GCNT1: variants seen among roughly 807,000 people sequenced by gnomAD.
The protein encoded by GCNT1 is beta-1,3-galactosyl-O-glycosyl-glycoprotein beta-1,6-N-acetylglucosaminyltransferase.
Under a neutral mutation model 26.2 loss-of-function variants are expected in GCNT1, and 16 were observed. The ratio of observed to expected loss-of-function variants is 0.61; its 90% confidence interval spans 0.41 to 0.93. GCNT1 has a LOEUF of 0.93. Among genes scored for constraint, GCNT1 ranks in the 40% least tolerant of loss-of-function variants. GCNT1 has a pLI of 0.00. For synonymous variants in GCNT1, 183 were observed against 190.8 expected (o/e 0.96, Z 0.34); for missense variants, 477 against 526.7 (o/e 0.91, Z 0.92).
intron 2 of GCNT1, among the ~76,000 whole-genome samples, chr9:76,482,811 A>T (rs1587442807): frequency 1.7e-5 from 2 of 115,884 alleles, no homozygotes; most frequent in Non-Finnish European, 1.7e-5. Flanking sequence ...CACCGGGCTA[A>T]TTTTTTTTTT....
At chr9:76,438,080 A>G (rs1402283920), upstream of GCNT1, among the ~76,000 whole-genome samples, 1 of 152,128 alleles carries the variant, frequency 6.6e-6, no homozygotes, top group Non-Finnish European at 1.5e-5. Flanking sequence ...ACAGGTCTCA[A>G]GCAATTTAGA....
upstream of GCNT1, among the ~76,000 whole-genome samples, chr9:76,454,888 G>A (rs571042539): frequency 2.3e-4 from 28 of 120,960 alleles, no homozygotes; most frequent in African/African-American, 6.1e-4. Context: ...TCACTCTGTC[G>A]CCAGGCTGGA....
At chr9:76,407,101 T>C in the GCNT1 span, among the ~76,000 whole-genome samples, 1 of 151,726 alleles carries the variant, frequency 6.6e-6, no homozygotes, top group East Asian at 1.9e-4. Context: ...TCCTATGTTA[T>C]CTTCTAGGAA....
At chr9:76,469,079 G>A (rs1434960550) in intron 2 of GCNT1, among the ~76,000 whole-genome samples, 4 of 151,698 alleles carry the variant, frequency 2.6e-5, no homozygotes, top group Admixed American at 1.3e-4. Flanking sequence ...GGCAAATTTC[G>A]CCAAAAAACT....
chr9:76,478,767 A>G (rs1824329638), intron 2 of GCNT1, among the ~76,000 whole-genome samples: 1 of 152,250 alleles, frequency 6.6e-6, no homozygotes, highest in Non-Finnish European at 1.5e-5. Flanking sequence ...ATTCAGATAC[A>G]ATGCAATCAT....
intron 2 of GCNT1, among the ~76,000 whole-genome samples, chr9:76,478,659 G>C (rs925906679): frequency 1.3e-5 from 2 of 152,196 alleles, no homozygotes; most frequent in East Asian, 3.8e-4. Context: ...CCCTAAGCCA[G>C]AATTTCATTC....
At position 76,506,834 on chromosome 9, in the gene GCNT1, G is replaced by C. The variant is rs889628299; in HGVS notation, c.*3166G>C. ...TCTTGTAGTGATTTGGGTAGGAAGA[G>C]GCCATGTTTCAGTTCGTTTTCTCTG... On this transcript the variant is annotated 3_prime_UTR_variant, in exon 4 of 4. Coordinates refer to ENST00000376730, the MANE Select transcript of GCNT1 (RefSeq NM_001490.5). The C allele has an allele frequency of 1.8e-5, 3 of 166,932 alleles. No homozygotes were observed. Among genetic ancestry groups the C allele is most frequent in the Non-Finnish European group, 2.9e-5 (2 of 68,108 alleles). 10.3% of individuals were successfully genotyped at this position (166,932 alleles called of 1,614,324 possible).
At chr9:76,494,895 AC>A (rs1824860108) in intron 2 of GCNT1, among the ~76,000 whole-genome samples, 1 of 152,098 alleles carries the variant, frequency 6.6e-6, no homozygotes, top group African/African-American at 2.4e-5. Flanking sequence ...CTCTCTGTCA[AC>A]CCTGGGCTCA....
rs756433009 is a variant in GCNT1 at position 76,503,057 on chromosome 9, A to G, written c.676A>G (p.Asn226Asp). The G allele has an allele frequency of 2.5e-6, 4 of 1,614,162 alleles. No homozygotes were observed. Among genetic ancestry groups the G allele is most frequent in the Non-Finnish European group, 3.4e-6 (4 of 1,180,022 alleles). ...LCGMDFPIKTNLEIVRKLKLL... is the reference protein window; with the variant it reads ...LCGMDFPIKTDLEIVRKLKLL... Reference sequence around the variant, plus strand: ...TGGTATGGATTTTCCCATTAAAACCAACCTAGAAATTGTCAGGAAGCTCAA... The same window carrying G: ...TGGTATGGATTTTCCCATTAAAACCGACCTAGAAATTGTCAGGAAGCTCAA... The change falls in exon 4 of 4, where the codon AAC becomes GAC. Residue 226 changes from asparagine to aspartate, a missense_variant. By Grantham distance (23) the Asn-to-Asp change is conservative (BLOSUM62 1). Transcript: ENST00000376730.
chr9:76,486,398 T>C (rs1457882216), intron 2 of GCNT1, among the ~76,000 whole-genome samples: 2 of 152,222 alleles, frequency 1.3e-5, no homozygotes, highest in East Asian at 3.8e-4. Context: ...TTCTGTTACA[T>C]CACATTTGAC....
intron 1 of GCNT1, among the ~76,000 whole-genome samples, chr9:76,444,821 C>T (rs532143697): frequency 2.0e-5 from 3 of 152,128 alleles, no homozygotes; most frequent in South Asian, 2.1e-4. Flanking sequence ...AAGGAACAGG[C>T]GACAACCACA....
At chr9:76,438,403 C>A (rs377389099), upstream of GCNT1, among the ~76,000 whole-genome samples, 2 of 152,094 alleles carry the variant, frequency 1.3e-5, no homozygotes, top group Admixed American at 6.6e-5. Flanking sequence ...GAGACTAAGG[C>A]CTTATCAGGC....
intron 2 of GCNT1, among the ~76,000 whole-genome samples, chr9:76,485,317 C>T (rs908893116): frequency 2.0e-5 from 3 of 151,740 alleles, no homozygotes; most frequent in Admixed American, 6.6e-5. Context: ...GGATTATGGG[C>T]GCATGCCACC....
chr9:76,464,953 A>C (rs1331119203), intron 2 of GCNT1, among the ~76,000 whole-genome samples: 2 of 151,968 alleles, frequency 1.3e-5, no homozygotes, highest in Non-Finnish European at 2.9e-5. Context: ...ACATTCCTCC[A>C]GTTCATTTTC....
chr9:76,465,097 C>T (rs1823963212), intron 2 of GCNT1, among the ~76,000 whole-genome samples: 1 of 152,172 alleles, frequency 6.6e-6, no homozygotes, highest in Non-Finnish European at 1.5e-5. Flanking sequence ...ATCCTCCTGC[C>T]TCAGCCTCCC....
At chr9:76,438,757 G>C (rs528164412), upstream of GCNT1, among the ~76,000 whole-genome samples, 13 of 151,624 alleles carry the variant, frequency 8.6e-5, no homozygotes, top group African/African-American at 3.1e-4. Flanking sequence ...GAATTGTCTT[G>C]GGCCACACAT....
At chr9:76,483,356 G>T (rs1824474216) in intron 2 of GCNT1, among the ~76,000 whole-genome samples, 1 of 151,428 alleles carries the variant, frequency 6.6e-6, no homozygotes, top group Non-Finnish European at 1.5e-5. Context: ...ATGCTTATAT[G>T]GTTTCTAAAT....
At chr9:76,394,050 C>T in the GCNT1 span, 2 of 1,550,818 alleles carry the variant, frequency 1.3e-6, no homozygotes. Flanking sequence ...CCGCTCCCCA[C>T]GTGACCCGGC....
At chr9:76,434,894 G>A (rs183785749) in intron 1 of GCNT1, among the ~76,000 whole-genome samples, 14 of 152,214 alleles carry the variant, frequency 9.2e-5, no homozygotes, top group East Asian at 1.9e-4. Context: ...AATACGCCCC[G>A]TCTCCTGCAG....
Sources: gnomAD v4.1 joint callset for allele counts (sites outside exome capture counted in the v4.1 genomes callset) on GRCh38, gnomAD v4.1.1 for gene constraint, MANE v1.5 for transcripts, NCBI Gene and HGNC (gene_info 2026-07-23, HGNC 2026-07-21) for gene names.